CDH18: variants seen among roughly 807,000 people sequenced by gnomAD.
CDH18 encodes cadherin-18.
CDH18 carries 31 observed loss-of-function variants against 67.9 expected under a neutral mutation model. The ratio of observed to expected loss-of-function variants is 0.46; its 90% CI spans 0.34 to 0.62. The LOEUF (loss-of-function observed/expected upper bound fraction) is 0.62. Ranked by LOEUF, CDH18 falls within the 20% of genes least tolerant of loss-of-function variation. The pLI is 0.01. For missense variants in CDH18, 890 were observed against 975.5 expected, an observed-to-expected ratio of 0.91 and a Z score of 1.17; for synonymous variants, 362 against 347.2, an observed-to-expected ratio of 1.04 and a Z score of -0.48.
At chr5:20,341,600 C>A (rs1561987886) in intron 1 of CDH18, among the ~76,000 whole-genome samples, 1 of 151,710 alleles carries the variant, frequency 6.6e-6, no homozygotes, top group South Asian at 2.1e-4. Context: ...TATGTATATT[C>A]TATTAGTTCT....
intron 5 of CDH18, among the ~76,000 whole-genome samples, chr5:19,657,033 T>C (rs80213999): frequency 9.3e-4 from 142 of 152,224 alleles, no homozygotes; most frequent in East Asian, 2.9e-3. Flanking sequence ...GTGAAAATAA[T>C]ATTAGTCTTA....
intron 1 of CDH18, among the ~76,000 whole-genome samples, chr5:20,473,609 T>A (rs1333769338): frequency 6.6e-6 from 1 of 152,156 alleles, no homozygotes; most frequent in Non-Finnish European, 1.5e-5. Context: ...TTGGGATAAG[T>A]ATTTCCTGTT....
chr5:20,341,244 C>G (rs1332863627), intron 1 of CDH18, among the ~76,000 whole-genome samples: 1 of 152,076 alleles, frequency 6.6e-6, no homozygotes, highest in African/African-American at 2.4e-5. Flanking sequence ...GGAAGGCAGA[C>G]CCACCCTTAA....
At chr5:19,915,418 A>G (rs890002200) in intron 2 of CDH18, among the ~76,000 whole-genome samples, 1 of 152,150 alleles carries the variant, frequency 6.6e-6, no homozygotes, top group African/African-American at 2.4e-5. Context: ...TTGACTTTCC[A>G]AAACTTAAGT....
At chr5:20,204,910 T>C (rs550881834) in intron 2 of CDH18, among the ~76,000 whole-genome samples, 1 of 151,898 alleles carries the variant, frequency 6.6e-6, no homozygotes, top group South Asian at 2.1e-4. Context: ...CAAATTATAA[T>C]AGACTCACTA....
chr5:20,495,560 G>A (rs545128799), intron 1 of CDH18, among the ~76,000 whole-genome samples: 1 of 152,148 alleles, frequency 6.6e-6, no homozygotes, highest in South Asian at 2.1e-4. Flanking sequence ...TAATTTGAAA[G>A]TGCTCCTCCC....
intron 1 of CDH18, among the ~76,000 whole-genome samples, chr5:20,303,271 T>C (rs1736103504): frequency 6.6e-6 from 1 of 152,170 alleles, no homozygotes; most frequent in African/African-American, 2.4e-5. Flanking sequence ...ATGGTGTATA[T>C]GATAAGCTAC....
intron 11 of CDH18, among the ~76,000 whole-genome samples, chr5:19,490,505 C>T (rs1002075943): frequency 3.5e-5 from 5 of 143,646 alleles, no homozygotes; most frequent in Admixed American, 7.4e-5. Context: ...ACCTTCACCT[C>T]GCGGGTTCAA....
At position 20,021,879 on chromosome 5, in the gene CDH18, T is replaced by C. The variant is rs528846355; in HGVS notation, c.-517-29865A>G. On this transcript the variant is annotated intron_variant, in intron 2 of 14. Coordinates refer to the CDH18 transcript ENST00000507958. ...TATCATAGGAATTTGGTAACAAATA[T>C]ACATTTTCTTTCAATGAGCAGAAGC... 2.2e-3 allele frequency among the ~76,000 whole-genome samples: 332 copies of C among 152,300 alleles called. 1 individual carries two copies. Among genetic ancestry groups the C allele is most frequent in the African/African-American group, 7.6e-3 (314 of 41,548 alleles).
At chr5:19,663,812 A>G (rs1207765190) in intron 5 of CDH18, among the ~76,000 whole-genome samples, 1 of 151,944 alleles carries the variant, frequency 6.6e-6, no homozygotes, top group Non-Finnish European at 1.5e-5. Flanking sequence ...CCGGTGTTAT[A>G]TGATGGAATT....
intron 1 of CDH18, among the ~76,000 whole-genome samples, chr5:20,565,432 G>A (rs182675114): frequency 6.3e-4 from 96 of 152,132 alleles, no homozygotes; most frequent in Non-Finnish European, 1.1e-3. Flanking sequence ...TAGCTGTGGC[G>A]GTTAATTAAG....
chr5:19,589,562 A>T (rs1744752454), intron 7 of CDH18, among the ~76,000 whole-genome samples: 2 of 152,138 alleles, frequency 1.3e-5, no homozygotes, highest in Non-Finnish European at 2.9e-5. Flanking sequence ...GTCAGAAAAA[A>T]ATGCTAGATG....
intron 3 of CDH18, among the ~76,000 whole-genome samples, chr5:19,808,838 A>AG (rs2149884156): frequency 6.6e-6 from 1 of 150,506 alleles, no homozygotes; most frequent in Admixed American, 6.6e-5. Context: ...GTCTCAAAAA[A>AG]AAAAAAAAAA....
At chr5:20,155,821 T>C (rs576874271) in intron 2 of CDH18, among the ~76,000 whole-genome samples, 2 of 152,272 alleles carry the variant, frequency 1.3e-5, no homozygotes, top group South Asian at 4.1e-4. Context: ...AATCATTTAT[T>C]GAATAGGGTG....
intron 5 of CDH18, among the ~76,000 whole-genome samples, chr5:19,670,172 G>C (rs538557492): frequency 2.3e-4 from 35 of 152,148 alleles, no homozygotes; most frequent in African/African-American, 8.4e-4. Flanking sequence ...AAAAAATAAG[G>C]CTTATATTGG....
chr5:19,720,534 T>C (rs185664180), intron 5 of CDH18, among the ~76,000 whole-genome samples: 123 of 152,326 alleles, frequency 8.1e-4, no homozygotes, highest in African/African-American at 2.9e-3. Context: ...AACAAATTGA[T>C]TGTCAATGGG....
chr5:20,497,171 T>C (rs1337165905), intron 1 of CDH18, among the ~76,000 whole-genome samples: 1 of 152,040 alleles, frequency 6.6e-6, no homozygotes, highest in Non-Finnish European at 1.5e-5. Context: ...AAGAGGGAAA[T>C]AGTAAGTGAG....
intron 5 of CDH18, among the ~76,000 whole-genome samples, chr5:19,691,475 C>CTTTTTTTTTTTTTTTTTTTTTTT (rs1448514674): frequency 6.6e-6 from 1 of 151,762 alleles, no homozygotes; most frequent in South Asian, 2.1e-4. Context: ...ATAAGGTAAT[C>CTTTTTTTTTTTTTTTTTTTTTTT]TTATATTTAG....
chr5:19,609,272 A>G (rs531784428), intron 6 of CDH18, among the ~76,000 whole-genome samples: 1 of 152,028 alleles, frequency 6.6e-6, no homozygotes, highest in African/African-American at 2.4e-5. Flanking sequence ...TTCTTTCACT[A>G]TGAGTCCTTT....
Sources: allele counts gnomAD v4.1 joint callset (sites outside exome capture counted in the v4.1 genomes callset), GRCh38; gene constraint gnomAD v4.1.1; transcripts MANE v1.5; gene names NCBI Gene and HGNC (gene_info 2026-07-23, HGNC 2026-07-21).